Variants in ANKRD24 observed in about 807,000 individuals in gnomAD.
ANKRD24 encodes ankyrin repeat domain 24.
Under a neutral mutation model 127.8 loss-of-function variants are expected in ANKRD24, and 109 were observed. The ratio of observed to expected loss-of-function variants is 0.85; its 90% CI spans 0.73 to 1.00. The LOEUF (loss-of-function observed/expected upper bound fraction) is 1.00, where lower values mean the gene tolerates loss of function less well. Among genes scored for constraint, ANKRD24 ranks in the 50% least tolerant of loss-of-function variants. The pLI is 0.00. For missense variants in ANKRD24, 1,648 were observed against 1,570.2 expected (o/e 1.05, Z -0.84); for synonymous variants, 743 against 671.1 (o/e 1.11, Z -1.66).
chr19:4,207,606 A>G lies in ANKRD24; in HGVS notation c.643A>G (p.Arg215Gly). Residue 215 changes from arginine (R) to glycine (G), a missense_variant and splice_region_variant, in exon 9 of 22, where the codon AGG (arginine) becomes GGG (glycine). Transcript: ENST00000318934. ...AAANDQDLQG[R>G]TALMLACEGA... ...CGCGAACGATCAGGACCTGCAAGGCAGGTGAGCATCTCCCCTCCCAGCCAG... is the reference window on the plus strand; with the variant it reads ...CGCGAACGATCAGGACCTGCAAGGCGGGTGAGCATCTCCCCTCCCAGCCAG... The G allele has an allele frequency of 5.0e-6, 8 of 1,613,858 alleles. No homozygotes were observed. The highest frequency in any genetic ancestry group is 6.8e-6 in the Non-Finnish European group (8 of 1,179,792).
rs1386834444 is a variant in ANKRD24, at chr19:4,195,623, C to T, written c.37-4060C>T. Among the ~76,000 whole-genome samples the T allele has an allele frequency of 3.3e-5, 5 of 152,152 alleles. No homozygotes were observed. The highest frequency in any genetic ancestry group is 5.9e-5 in the Non-Finnish European group (4 of 68,032). ...TCCAAACATGTCTAAGAGGGCCGGG[C>T]GCAGTGGCTCACGCCTGTAATCCCA... On this transcript the variant is annotated intron_variant, in intron 2 of 21. Transcript: ENST00000318934. This position sits in a 1 kb window ranked among gnomAD's most constrained non-coding sequence, Gnocchi z 4.2.
intron 2 of ANKRD24, among the ~76,000 whole-genome samples, chr19:4,193,845 G>GAGGGAGGGAAGGA (rs573649233): frequency 0.021 from 845 of 40,594 alleles, 181 homozygotes; most frequent in African/African-American, 0.1. Context: ...GGGAGGGAGG[G>GAGGGAGGGAAGGA]AGGAAGGAAG....
chr19:4,187,307 G>C (rs182937967), intron 2 of ANKRD24, among the ~76,000 whole-genome samples: 1 of 152,298 alleles, frequency 6.6e-6, no homozygotes, highest in Admixed American at 6.5e-5. Flanking sequence ...CAGCTACTTG[G>C]GAGGCTGAGG....
Position 4,202,889 on chromosome 19 carries a change from C to A in ANKRD24, c.429C>A (p.Val143=). Residue 143 remains valine, a synonymous_variant, in exon 7 of 22, where the codon GTC becomes GTA. Transcript: ENST00000318934. The part of the protein sequence containing the change: ...QLLQASCVVD[V]VDSSGWTALH... The stretch of plus-strand genomic sequence containing the variant: ...CCCAGGCTTCCTGCGTGGTGGACGT[C>A]GTGGACAGCAGCGGGTGGACTGCCC... 1 of 1,591,140 alleles carries A rather than the reference C, an allele frequency of 6.3e-7. No homozygotes were observed. The highest frequency in any genetic ancestry group is 2.3e-5 in the East Asian group (1 of 43,464).
chr19:4,216,422 G>C lies in ANKRD24; in HGVS notation c.1389+20G>C. ...GTCCAGGTAGGGAAAGTGAGGCTGGGGACAGATCTGAGGACCTAGGGCTGG... is the reference window on the plus strand; with the variant it reads ...GTCCAGGTAGGGAAAGTGAGGCTGGCGACAGATCTGAGGACCTAGGGCTGG... On this transcript the variant is annotated intron_variant, in intron 17 of 21. Coordinates refer to ENST00000318934, the MANE Select transcript of ANKRD24 (RefSeq NM_001393985.1). 2 of 1,559,106 alleles carry C rather than the reference G, an allele frequency of 1.3e-6. No homozygotes were observed. Among genetic ancestry groups the C allele is most frequent in the Non-Finnish European group, 1.7e-6 (2 of 1,151,446 alleles).
At position 4,195,317 on chromosome 19, in the gene ANKRD24, G is replaced by A. The variant is rs1300391926; in HGVS notation, c.37-4366G>A. 6.6e-6 allele frequency among the ~76,000 whole-genome samples: 1 copy of A among 151,302 alleles called. No homozygotes were observed. Among genetic ancestry groups the A allele is most frequent in the Non-Finnish European group, 1.5e-5 (1 of 67,850 alleles). On this transcript the variant is annotated intron_variant, in intron 2 of 21. Transcript: ENST00000318934. The surrounding 1 kb of genome is among the most constrained non-coding windows in gnomAD (Gnocchi z 4.2). ...TCGAACTCCCCATCTCAGGTGATCT[G>A]CCTGCCTCAGCCTCCCAAAGTGCTG...
At chr19:4,211,256 C>T (rs1008367063) in intron 13 of ANKRD24, among the ~76,000 whole-genome samples, 11 of 152,108 alleles carry the variant, frequency 7.2e-5, no homozygotes, top group African/African-American at 2.4e-4. Context: ...ACAGTATGGG[C>T]GTCGTCAATA....
At chr19:4,223,397 A>ATTTTT (rs1446284593) in intron 20 of ANKRD24, among the ~76,000 whole-genome samples, 2 of 54,860 alleles carry the variant, frequency 3.6e-5, no homozygotes, top group African/African-American at 1.6e-4. Context: ...ATATATATAT[A>ATTTTT]TATATTTTTT....
Position 4,219,629 on chromosome 19 carries a change from C to G in ANKRD24, c.3042C>G (p.His1014Gln). ...REALFMKSER[H>Q]AAEAQLATAE... ...CCCTGTTCATGAAGAGTGAGCGACA[C>G]GCAGCCGAGGCACAGCTGGCCACAG... The change falls in exon 19 of 22, where the codon CAC (histidine) becomes CAG (glutamine). Residue 1014 changes from histidine to glutamine, a missense_variant. His to Gln is a conservative substitution (Grantham distance 24). Transcript: ENST00000318934. 1 of 1,613,506 alleles carries G rather than the reference C, an allele frequency of 6.2e-7. No homozygotes were observed. Among genetic ancestry groups the G allele is most frequent in the African/African-American group, 1.3e-5 (1 of 75,036 alleles).
chr19:4,206,981 C>T, intron 7 of ANKRD24: 1 of 532,576 alleles, frequency 1.9e-6, no homozygotes, highest in Non-Finnish European at 3.3e-6. Context: ...TCATGGTTCA[C>T]TGCAGCCTTG....
rs1251471902 is a variant in ANKRD24, at chr19:4,216,406, G to T, written c.1389+4G>T. On this transcript the variant is annotated splice_donor_region_variant and intron_variant, in intron 17 of 21. Transcript: ENST00000318934. ...GGAACTGATGGAGAAGGTCCAGGTAGGGAAAGTGAGGCTGGGGACAGATCT... is the reference window on the plus strand; with the variant it reads ...GGAACTGATGGAGAAGGTCCAGGTATGGAAAGTGAGGCTGGGGACAGATCT... 6.4e-7 allele frequency: 1 copy of T among 1,562,640 alleles called. No individual in the cohort carries two copies. The highest frequency in any genetic ancestry group is 8.7e-7 in the Non-Finnish European group (1 of 1,153,410).
rs781724684 is a variant in ANKRD24, at chr19:4,210,133, A to G, written c.946A>G (p.Met316Val). 1 of 1,608,226 alleles carries G rather than the reference A, an allele frequency of 6.2e-7. No individual in the cohort carries two copies. The highest frequency in any genetic ancestry group is 1.7e-5 in the Admixed American group (1 of 58,990). Residue 316 changes from methionine to valine, a missense_variant, in exon 12 of 22, where the codon ATG (methionine) becomes GTG (valine). Transcript: ENST00000318934. ...GCCTCCACCTCCCGCCAGCATTCCC[A>G]TGCCGGTGAGAGATGCTCTGGGCAC... ...KAPPPPASIP[M>V]PDDRDAYEEI...
In ANKRD24 at chr19:4,217,952, G is replaced by A; in HGVS notation, c.2792G>A (p.Gly931Asp). ...CAGGAGGAGGCCCTGGAGCTGCGGG[G>A]CCGGGCAGCCAGTCTGGAGCAGGAG... Reference protein sequence around the residue: ...RLQEEALELRGRAASLEQEVV... With the variant: ...RLQEEALELRDRAASLEQEVV... The change falls in exon 18 of 22, where the codon GGC (glycine) becomes GAC (aspartate). Residue 931 changes from glycine to aspartate, a missense_variant. Physicochemically the swap from Gly to Asp is moderately conservative, Grantham distance 94 (BLOSUM62 -1). Coordinates refer to ENST00000318934, the MANE Select transcript of ANKRD24 (RefSeq NM_001393985.1). 1 of 1,508,856 alleles carries A rather than the reference G, an allele frequency of 6.6e-7. No individual in the cohort carries two copies. Among genetic ancestry groups the A allele is most frequent in the African/African-American group, 1.4e-5 (1 of 69,478 alleles). 93.5% of individuals were successfully genotyped at this position (1,508,856 alleles called of 1,614,324 possible).
intron 7 of ANKRD24, among the ~76,000 whole-genome samples, chr19:4,204,612 G>A (rs1034762167): frequency 3.3e-5 from 5 of 152,132 alleles, no homozygotes; most frequent in Admixed American, 6.5e-5. Context: ...GGGACCCACC[G>A]ACTTGAACCA....
At chr19:4,210,234 C>T in intron 12 of ANKRD24, 31 bp from the exon 13 acceptor site, 2 of 1,562,206 alleles carry the variant, frequency 1.3e-6, no homozygotes, top group South Asian at 2.4e-5. Flanking sequence ...CCTTAGGCCC[C>T]ATCTAAAGGC....
At chr19:4,220,904 T>C (rs74677968) in intron 19 of ANKRD24, among the ~76,000 whole-genome samples, 1 of 116,150 alleles carries the variant, frequency 8.6e-6, no homozygotes, top group East Asian at 2.0e-4. Context: ...GCCAGAAAGC[T>C]TTTTTTTTTT....
chr19:4,188,237 C>A (rs1968177984), intron 2 of ANKRD24, among the ~76,000 whole-genome samples: 1 of 151,564 alleles, frequency 6.6e-6, no homozygotes, highest in Non-Finnish European at 1.5e-5. Flanking sequence ...ACCACCATGC[C>A]CAGCTAATTT....
At chr19:4,194,628 G>A (rs1038933264) in intron 2 of ANKRD24, among the ~76,000 whole-genome samples, 1 of 152,162 alleles carries the variant, frequency 6.6e-6, no homozygotes, top group Non-Finnish European at 1.5e-5. Context: ...GAGGTCTCTG[G>A]AGGCTTTTGT....
chr19:4,200,216 G>C (rs1163209228), intron 5 of ANKRD24, 45 bp downstream of exon 5: 2 of 1,536,874 alleles, frequency 1.3e-6, no homozygotes, highest in Non-Finnish European at 1.8e-6. Context: ...ACTAAGCCCA[G>C]GTGCCCAGCC....
Sources: allele counts gnomAD v4.1 joint callset (sites outside exome capture counted in the v4.1 genomes callset), GRCh38; gene constraint gnomAD v4.1.1; non-coding constraint Gnocchi (gnomAD v3.1); transcripts MANE v1.5; gene names NCBI Gene and HGNC (gene_info 2026-07-23, HGNC 2026-07-21).